Variants in SDR16C5 observed in about 807,000 individuals in gnomAD.
SDR16C5 encodes the protein epidermal retinol dehydrogenase 2.
SDR16C5 carries 20 observed loss-of-function variants against 27.7 expected under a neutral mutation model. The ratio of observed to expected loss-of-function variants is 0.72; its 90% CI spans 0.51 to 1.05. The LOEUF (loss-of-function observed/expected upper bound fraction) is 1.05. Ranked by LOEUF, SDR16C5 falls within the 50% of genes least tolerant of loss-of-function variation. The pLI is 0.00. For synonymous variants in SDR16C5, 139 were observed against 132.3 expected (o/e 1.05, Z -0.35); for missense variants, 374 against 366.3 (o/e 1.02, Z -0.17).
chr8:56,301,292 C>T lies in SDR16C5; in HGVS notation c.*188G>A. Reference sequence around the variant, plus strand: ...AAAAGAAAAAGAAAAAACCAAAACTCAACCAAATAGGTGATAGCAACATTA... The same window carrying T: ...AAAAGAAAAAGAAAAAACCAAAACTTAACCAAATAGGTGATAGCAACATTA... On this transcript the variant is annotated 3_prime_UTR_variant, in exon 7 of 7. Transcript: ENST00000303749. 4.0e-6 allele frequency: 2 copies of T among 495,778 alleles called. No homozygotes were observed. The highest frequency in any genetic ancestry group is 4.0e-5 in the South Asian group (1 of 25,244). 30.7% of individuals were successfully genotyped at this position (495,778 alleles called of 1,614,324 possible).
chr8:56,302,461 T>C (rs1169447131), intron 6 of SDR16C5, among the ~76,000 whole-genome samples: 1 of 151,010 alleles, frequency 6.6e-6, no homozygotes, highest in Admixed American at 6.6e-5. Flanking sequence ...GATCACAAGG[T>C]CAGGAGTTTG....
intron 1 of SDR16C5, among the ~76,000 whole-genome samples, chr8:56,318,083 G>A (rs189632903): frequency 9.6e-4 from 146 of 152,312 alleles, no homozygotes; most frequent in African/African-American, 3.3e-3. Flanking sequence ...GCTGGAAAGT[G>A]ACCCTTTGAG....
At chr8:56,309,780 A>C (rs950806063) in intron 3 of SDR16C5, among the ~76,000 whole-genome samples, 2 of 152,114 alleles carry the variant, frequency 1.3e-5, no homozygotes, top group African/African-American at 4.8e-5. Context: ...GGAAATCAAA[A>C]CAAAGCAAAA....
intron 2 of SDR16C5, among the ~76,000 whole-genome samples, chr8:56,314,836 G>C (rs979740495): frequency 6.6e-6 from 1 of 152,194 alleles, no homozygotes; most frequent in African/African-American, 2.4e-5. Flanking sequence ...ATGTAGTCAG[G>C]CTGCTCACGG....
chr8:56,318,981 C>G (rs939029203), intron 1 of SDR16C5, among the ~76,000 whole-genome samples: 2 of 152,082 alleles, frequency 1.3e-5, no homozygotes, highest in African/African-American at 4.8e-5. Flanking sequence ...TCAGTTTCCT[C>G]CTCTAAAAAG....
At chr8:56,311,646 T>A (rs1242469175) in intron 3 of SDR16C5, among the ~76,000 whole-genome samples, 1 of 152,124 alleles carries the variant, frequency 6.6e-6, no homozygotes, top group Admixed American at 6.5e-5. Flanking sequence ...ACCTCTAATT[T>A]CTCTGGTTGG....
intron 2 of SDR16C5, among the ~76,000 whole-genome samples, chr8:56,314,432 G>A (rs183866409): frequency 1.8e-4 from 27 of 152,288 alleles, no homozygotes. Flanking sequence ...CAGTTACAGG[G>A]AAAAGGGAAG....
intron 2 of SDR16C5, among the ~76,000 whole-genome samples, chr8:56,312,777 GTTT>G (rs35869830): frequency 0.59 from 79,886 of 134,956 alleles, 22,665 homozygotes; most frequent in Admixed American, 0.67. Context: ...CACACACCAA[GTTT>G]TTTTTTTTTT....
At chr8:56,303,586 A>G (rs1814813020) in intron 6 of SDR16C5, among the ~76,000 whole-genome samples, 1 of 151,924 alleles carries the variant, frequency 6.6e-6, no homozygotes, top group Non-Finnish European at 1.5e-5. Context: ...CACACAAAGC[A>G]CTCTCTGAAT....
chr8:56,301,526 A>G lies in SDR16C5; in HGVS notation c.884T>C (p.Ile295Thr), dbSNP rs1480829984. Reference sequence around the variant, plus strand: ...AACAAAGCCATCCATTGCATGAAGGATGCCCAAATAGTCAGCTATAAGCAG... The same window carrying G: ...AACAAAGCCATCCATTGCATGAAGGGTGCCCAAATAGTCAGCTATAAGCAG... ...TGLLIADYLG[I>T]LHAMDGFVDQ... Residue 295 changes from isoleucine (I) to threonine (T), a missense_variant, in exon 7 of 7, where the codon ATC (isoleucine) becomes ACC (threonine). By Grantham distance (89) the Ile-to-Thr change is moderately conservative. Transcript: ENST00000303749. 8.1e-6 allele frequency: 13 copies of G among 1,614,214 alleles called. No individual in the cohort carries two copies. The highest frequency in any genetic ancestry group is 1.0e-5 in the Non-Finnish European group (12 of 1,180,016).
chr8:56,308,127 T>C (rs374564377), intron 4 of SDR16C5, among the ~76,000 whole-genome samples: 7 of 152,312 alleles, frequency 4.6e-5, no homozygotes, highest in East Asian at 3.9e-4. Context: ...GTAATAGATA[T>C]ACTGAGCTAA....
chr8:56,306,579 G>A (rs1196434856), intron 5 of SDR16C5, 97 bp downstream of exon 5: 1 of 1,125,386 alleles, frequency 8.9e-7, no homozygotes, highest in African/African-American at 1.6e-5. Context: ...CTGAATCCCA[G>A]AACAATATAT....
At chr8:56,304,748 G>A (rs1317141410) in intron 6 of SDR16C5, among the ~76,000 whole-genome samples, 4 of 151,888 alleles carry the variant, frequency 2.6e-5, no homozygotes, top group Non-Finnish European at 5.9e-5. Context: ...CCAAGATGGA[G>A]TGCAGTGGTC....
chr8:56,310,275 GGAA>G (rs1199856722), intron 3 of SDR16C5, among the ~76,000 whole-genome samples: 1 of 5,110 alleles, frequency 2.0e-4, no homozygotes, highest in Non-Finnish European at 3.8e-4. Flanking sequence ...AGGAGGAGGA[GGAA>G]GGAGGAGGAG....
chr8:56,314,778 T>C (rs1333910275), intron 2 of SDR16C5, among the ~76,000 whole-genome samples: 1 of 152,198 alleles, frequency 6.6e-6, no homozygotes, highest in Non-Finnish European at 1.5e-5. Flanking sequence ...CTGCAAACCT[T>C]AGCAAGGAAA....
At chr8:56,312,902 A>G (rs7820714) in intron 2 of SDR16C5, among the ~76,000 whole-genome samples, 2 of 150,986 alleles carry the variant, frequency 1.3e-5, no homozygotes, top group African/African-American at 4.9e-5. Flanking sequence ...TCAGCCTCCC[A>G]AGTAGCTAGG....
intron 1 of SDR16C5, among the ~76,000 whole-genome samples, chr8:56,319,692 AAGGTG>A (rs1815285393): frequency 7.2e-5 from 11 of 152,096 alleles, no homozygotes. Flanking sequence ...ATCCACCCGG[AAGGTG>A]GATGCACTGA....
At chr8:56,304,852 C>A (rs1422184352) in intron 6 of SDR16C5, among the ~76,000 whole-genome samples, 1 of 152,088 alleles carries the variant, frequency 6.6e-6, no homozygotes, top group East Asian at 1.9e-4. Flanking sequence ...GTATACCAGC[C>A]TCAAACTCCT....
chr8:56,309,129 C>A, intron 3 of SDR16C5, 102 bp from the exon 4 acceptor site: 1 of 983,526 alleles, frequency 1.0e-6, no homozygotes, highest in South Asian at 2.8e-5. Context: ...TTTTTTCAGC[C>A]TGTAAAATAT....
Sources: gnomAD v4.1 joint callset for allele counts (sites outside exome capture counted in the v4.1 genomes callset) on GRCh38, gnomAD v4.1.1 for gene constraint, MANE v1.5 for transcripts, NCBI Gene and HGNC (gene_info 2026-07-23, HGNC 2026-07-21) for gene names.